Variants in ULK4 observed in about 807,000 individuals in gnomAD.
The protein encoded by ULK4 is inactive serine/threonine-protein kinase ULK4.
Under a neutral mutation model 160.6 loss-of-function variants are expected in ULK4, and 133 were observed. The observed-to-expected ratio is 0.83, with a 90% CI of 0.72 to 0.96. ULK4 has a LOEUF of 0.96. Among genes scored for constraint, ULK4 ranks in the 40% least tolerant of loss-of-function variants. The pLI is 0.00. For synonymous variants in ULK4, 534 were observed against 539.8 expected (o/e 0.99, Z 0.15); for missense variants, 1,580 against 1,499.5 (o/e 1.05, Z -0.89).
intron 32 of ULK4, among the ~76,000 whole-genome samples, chr3:41,499,529 C>A (rs1489831664): frequency 6.6e-6 from 1 of 152,108 alleles, no homozygotes; most frequent in Non-Finnish European, 1.5e-5. Context: ...GTGGTGGGCT[C>A]ACAGCCTGGG....
intron 35 of ULK4, among the ~76,000 whole-genome samples, chr3:41,330,020 C>G (rs1197991441): frequency 2.0e-5 from 3 of 152,188 alleles, no homozygotes; most frequent in Admixed American, 1.3e-4. Context: ...AGTGGTTCCT[C>G]TCTACATAGT....
rs71075484 is a variant in ULK4 at position 41,794,660 on chromosome 3, CAAAAAAAAAAAAAAA to C, written c.2011-4832_2011-4818del. On this transcript the variant is annotated intron_variant, in intron 20 of 36. Coordinates refer to ENST00000301831, the MANE Select transcript of ULK4 (RefSeq NM_017886.4). ...TGGGTGACAGAGCAAGACTCTGTCT[CAAAAAAAAAAAAAAA>C]AAAAAAAAAAACACAGAAAAAAAAA... Among the ~76,000 whole-genome samples, 22 of 18,990 alleles carry C rather than the reference CAAAAAAAAAAAAAAA, an allele frequency of 1.2e-3. 2 individuals carry two copies. The East Asian group carries it at 0.048, about 42-fold the overall frequency. The allele number at this position is 18,990 out of a possible 152,430, so 12.5% of individuals were successfully genotyped here.
At chr3:41,826,641 G>T (rs542666589) in intron 18 of ULK4, among the ~76,000 whole-genome samples, 1 of 147,406 alleles carries the variant, frequency 6.8e-6, no homozygotes, top group Non-Finnish European at 1.5e-5. Context: ...CAATACAGGA[G>T]CACCCAGATT....
chr3:41,785,142 G>C (rs1236849932), intron 21 of ULK4, among the ~76,000 whole-genome samples: 1 of 152,090 alleles, frequency 6.6e-6, no homozygotes, highest in African/African-American at 2.4e-5. Context: ...TATGTAACAG[G>C]GTGTTCATCA....
chr3:41,476,789 T>A (rs929500968), intron 32 of ULK4, among the ~76,000 whole-genome samples: 3 of 152,126 alleles, frequency 2.0e-5, no homozygotes, highest in African/African-American at 7.2e-5. Flanking sequence ...TTCTAGCTGA[T>A]ACACATCTAC....
intron 17 of ULK4, among the ~76,000 whole-genome samples, chr3:41,847,242 G>A (rs1374286302): frequency 1.3e-5 from 2 of 152,126 alleles, no homozygotes; most frequent in African/African-American, 4.8e-5. Flanking sequence ...GGAAGATGAT[G>A]AATTAGGAAG....
chr3:41,693,373 T>A (rs140815760), intron 27 of ULK4, among the ~76,000 whole-genome samples: 2 of 152,128 alleles, frequency 1.3e-5, no homozygotes, highest in Admixed American at 1.3e-4. Flanking sequence ...CCTACAACAA[T>A]AGGAAACTAA....
chr3:41,620,881 C>G (rs758282577), intron 30 of ULK4, among the ~76,000 whole-genome samples: 1 of 152,066 alleles, frequency 6.6e-6, no homozygotes, highest in Admixed American at 6.6e-5. Flanking sequence ...CATCTCAGCC[C>G]AAAAGTTCCT....
chr3:41,554,830 G>A (rs1246815986), intron 32 of ULK4, among the ~76,000 whole-genome samples: 1 of 151,960 alleles, frequency 6.6e-6, no homozygotes, highest in Admixed American at 6.6e-5. Flanking sequence ...CAAATATTAT[G>A]CATCAATAAA....
chr3:41,948,590 G>A (rs1700184858), intron 2 of ULK4, among the ~76,000 whole-genome samples: 1 of 152,020 alleles, frequency 6.6e-6, no homozygotes. Flanking sequence ...CGATAACCAA[G>A]TGGGTTTATT....
At chr3:41,274,877 A>C (rs117626787) in intron 35 of ULK4, among the ~76,000 whole-genome samples, 2 of 152,314 alleles carry the variant, frequency 1.3e-5, no homozygotes, top group East Asian at 3.9e-4. Flanking sequence ...GGCAGGGAAG[A>C]TAAAAGATTA....
In ULK4 at chr3:41,881,284, TAAAAAAA is replaced by T. The variant is rs58977381; in HGVS notation, c.1656+2583_1656+2589del. On this transcript the variant is annotated intron_variant, in intron 17 of 36. Coordinates refer to ENST00000301831, the MANE Select transcript of ULK4 (RefSeq NM_017886.4). ...CCACACATCCTGTAGCAGAAACTTCTAAAAAAAAAAAAAAAAAAAAAAAAAACAGGAA... is the reference window on the plus strand; with the variant it reads ...CCACACATCCTGTAGCAGAAACTTCTAAAAAAAAAAAAAAAAAAACAGGAA... Among the ~76,000 whole-genome samples the T allele has an allele frequency of 3.0e-3, 381 of 126,256 alleles. 1 individual carries two copies. The highest frequency in any genetic ancestry group is 0.013 in the African/African-American group (360 of 27,616). 82.8% of individuals were successfully genotyped at this position (126,256 alleles called of 152,430 possible).
intron 21 of ULK4, among the ~76,000 whole-genome samples, chr3:41,779,794 T>A (rs368498861): frequency 3.5e-5 from 3 of 84,908 alleles, no homozygotes; most frequent in African/African-American, 5.4e-5. Flanking sequence ...ATGAGATCAC[T>A]TGGACACAGG....
At chr3:41,616,676 T>C (rs2032984288) in intron 30 of ULK4, among the ~76,000 whole-genome samples, 1 of 152,176 alleles carries the variant, frequency 6.6e-6, no homozygotes, top group Non-Finnish European at 1.5e-5. Flanking sequence ...ACCAAGGTCC[T>C]GGGTTTCAAG....
At chr3:41,791,381 C>T (rs540484937) in intron 20 of ULK4, among the ~76,000 whole-genome samples, 104 of 152,258 alleles carry the variant, frequency 6.8e-4, no homozygotes, top group African/African-American at 1.9e-3. Context: ...CTGCCCACCT[C>T]GGCTTCCCAA....
chr3:41,882,316 A>C (rs1295185434), intron 17 of ULK4: 2 of 702,278 alleles, frequency 2.8e-6, no homozygotes, highest in Non-Finnish European at 2.6e-6. Context: ...ATAAAATGCC[A>C]GGTGGTGATA....
chr3:41,678,219 C>T (rs1160862858), intron 29 of ULK4, among the ~76,000 whole-genome samples: 1 of 151,030 alleles, frequency 6.6e-6, no homozygotes, highest in East Asian at 1.9e-4. Context: ...CACACACACA[C>T]ACACACAGAG....
chr3:41,591,996 G>A (rs1052125194), intron 31 of ULK4, among the ~76,000 whole-genome samples: 6 of 152,238 alleles, frequency 3.9e-5, no homozygotes, highest in Non-Finnish European at 5.9e-5. Context: ...AGAACAGCAT[G>A]TGGAGTCTTG....
chr3:41,258,859 G>T (rs1165169566), intron 35 of ULK4, among the ~76,000 whole-genome samples: 1 of 151,574 alleles, frequency 6.6e-6, no homozygotes, highest in Non-Finnish European at 1.5e-5. Context: ...TTCAAAACAT[G>T]GGGTCTTTAA....
Sources: allele counts gnomAD v4.1 joint callset (sites outside exome capture counted in the v4.1 genomes callset), GRCh38; gene constraint gnomAD v4.1.1; transcripts MANE v1.5; gene names NCBI Gene and HGNC (gene_info 2026-07-23, HGNC 2026-07-21).